Variants in RBAK observed in about 807,000 individuals in gnomAD.
RBAK encodes RB-associated KRAB zinc finger protein.
A neutral mutation model predicts 65.8 loss-of-function variants in RBAK; 39 were observed. The ratio of observed to expected loss-of-function variants is 0.59; its 90% CI spans 0.46 to 0.77. The LOEUF (loss-of-function observed/expected upper bound fraction) is 0.77. Ranked by LOEUF, RBAK falls within the 30% of genes least tolerant of loss-of-function variation. RBAK has a pLI of 0.00. For missense variants in RBAK, 884 were observed against 855.1 expected, an observed-to-expected ratio of 1.03 and a Z score of -0.42; for synonymous variants, 343 against 289.7, an observed-to-expected ratio of 1.18 and a Z score of -1.87.
At chr7:5,052,011 C>G (rs948906709) in intron 2 of RBAK, among the ~76,000 whole-genome samples, 8 of 152,132 alleles carry the variant, frequency 5.3e-5, no homozygotes, top group Admixed American at 5.2e-4. Context: ...ATTTGTGGTT[C>G]TCTTTCTCTT....
chr7:5,058,551 C>T (rs1778985783), intron 4 of RBAK, among the ~76,000 whole-genome samples: 1 of 152,192 alleles, frequency 6.6e-6, no homozygotes, highest in Admixed American at 6.5e-5. Context: ...AAACCTCATC[C>T]TCCACCTATG....
rs375079315 is a variant in RBAK at position 5,057,792 on chromosome 7, C to T, written c.238+13C>T. ...CAACATAGTCCAGGTAAGTTAGTAG[C>T]GTATCAAAGGTTAAAAAATGCTCAT... On this transcript the variant is annotated intron_variant, in intron 4 of 4. Coordinates refer to ENST00000396912, the MANE Select transcript of RBAK (RefSeq NM_021163.4). 2.6e-4 allele frequency: 414 copies of T among 1,613,438 alleles called. 2 individuals carry two copies. The highest frequency in any genetic ancestry group is 6.2e-5 in the Non-Finnish European group (73 of 1,179,634).
At position 5,048,872 on chromosome 7, in the gene RBAK, G is replaced by A. The variant is rs1006957655; in HGVS notation, c.15+781G>A. 9.9e-5 allele frequency among the ~76,000 whole-genome samples: 15 copies of A among 152,110 alleles called. No individual in the cohort carries two copies. The highest frequency in any genetic ancestry group is 5.2e-4 in the Admixed American group (8 of 15,264). On this transcript the variant is annotated intron_variant, in intron 2 of 4. Transcript: ENST00000396912. This position sits in a 1 kb window ranked among gnomAD's most constrained non-coding sequence, Gnocchi z 4.4. ...GCAGGAGGAAGAGGGAGGGGGAGGC[G>A]CTACACACTTTTAAACAACCACGTC...
Position 5,064,783 on chromosome 7 carries a change from T to C in RBAK, c.1327T>C (p.Tyr443His). Residue 443 changes from tyrosine (Y) to histidine (H), a missense_variant, in exon 5 of 5, where the codon TAC becomes CAC. Coordinates refer to ENST00000396912, the MANE Select transcript of RBAK (RefSeq NM_021163.4). This position sits in a 1 kb window ranked among gnomAD's most constrained non-coding sequence, Gnocchi z 6.3. ...TGGGAAATTCTTTTCTCGGGTGTCA[T>C]ACCTCACTATACATTATAGAAGTCA... ...ECGKFFSRVS[Y>H]LTIHYRSHLE... 1 of 1,614,092 alleles carries C rather than the reference T, an allele frequency of 6.2e-7. No homozygotes were observed. Among genetic ancestry groups the C allele is most frequent in the Non-Finnish European group, 8.5e-7 (1 of 1,179,904 alleles).
At chr7:5,056,424 A>T (rs6463239) in intron 2 of RBAK, among the ~76,000 whole-genome samples, 44,567 of 151,676 alleles carry the variant, frequency 0.29, 7,691 homozygotes, top group African/African-American at 0.48. Context: ...AGCCCCAACC[A>T]CTTAAAAATT....
Position 5,063,887 on chromosome 7 carries a change from T to C in RBAK, c.431T>C (p.Leu144Ser), listed in dbSNP as rs147628768. 1.2e-6 allele frequency: 2 copies of C among 1,613,952 alleles called. No homozygotes were observed. The highest frequency in any genetic ancestry group is 2.7e-5 in the African/African-American group (2 of 74,928). The change falls in exon 5 of 5, where the codon TTA becomes TCA. Residue 144 changes from leucine (L) to serine (S), a missense_variant. Coordinates refer to ENST00000396912, the MANE Select transcript of RBAK (RefSeq NM_021163.4). The stretch of plus-strand genomic sequence containing the variant: ...AATTGTGTCTCATGTGGAAAGAATT[T>C]AGAATCTATTTCGCAATTAATTAGT... ...AHNCVSCGKN[L>S]ESISQLISSD...
chr7:5,062,361 G>A (rs1283005309), intron 4 of RBAK, among the ~76,000 whole-genome samples: 1 of 152,172 alleles, frequency 6.6e-6, no homozygotes, highest in African/African-American at 2.4e-5. Flanking sequence ...TCACATGTCG[G>A]TAGGTTCTGT....
At chr7:5,049,290 C>T (rs1409166196) in intron 2 of RBAK, among the ~76,000 whole-genome samples, 1 of 152,164 alleles carries the variant, frequency 6.6e-6, no homozygotes, top group African/African-American at 2.4e-5. Context: ...GGGAAGGAAA[C>T]ATTGTGATCC....
rs12668616 is a variant in RBAK at position 5,064,728 on chromosome 7, G to C, written c.1272G>C (p.Thr424=). The C allele has an allele frequency of 6.2e-7, 1 of 1,613,514 alleles. No individual in the cohort carries two copies. The highest frequency in any genetic ancestry group is 1.3e-5 in the African/African-American group (1 of 74,864). ...TGATTACACATCAGAGAACACACACGGGAGAGAAGCCCTATCAGTGTAGCG... is the reference window on the plus strand; with the variant it reads ...TGATTACACATCAGAGAACACACACCGGAGAGAAGCCCTATCAGTGTAGCG... ...STLITHQRTH[T]GEKPYQCSEC... The change falls in exon 5 of 5, where the codon ACG becomes ACC. Residue 424 remains threonine, a synonymous_variant. Transcript: ENST00000396912. This position sits in a 1 kb window ranked among gnomAD's most constrained non-coding sequence, Gnocchi z 6.3.
chr7:5,061,954 T>C (rs1779085515), intron 4 of RBAK, among the ~76,000 whole-genome samples: 1 of 152,000 alleles, frequency 6.6e-6, no homozygotes, highest in Non-Finnish European at 1.5e-5. Context: ...TTTTGGACAT[T>C]CACATGCCTG....
intron 2 of RBAK, among the ~76,000 whole-genome samples, chr7:5,049,791 A>G (rs561344714): frequency 1.2e-4 from 18 of 151,972 alleles, no homozygotes; most frequent in African/African-American, 4.1e-4. Context: ...AGACGTGATC[A>G]CAACTCACTG....
chr7:5,058,741 G>A (rs1004842389), intron 4 of RBAK, among the ~76,000 whole-genome samples: 4 of 152,176 alleles, frequency 2.6e-5, no homozygotes, highest in African/African-American at 9.7e-5. Flanking sequence ...AGACATTCAG[G>A]AAGTGTGAAT....
In RBAK at chr7:5,064,674, TGG is replaced by T; in HGVS notation, c.1220_1221del (p.Gly407GlufsTer25). The T allele has an allele frequency of 6.2e-7, 1 of 1,612,170 alleles. No individual in the cohort carries two copies. Among genetic ancestry groups the T allele is most frequent in the Non-Finnish European group, 8.5e-7 (1 of 1,178,470 alleles). The stretch of plus-strand genomic sequence containing the variant: ...AGAAGCTTTATAAATGTAATGAATG[TGG>T]GAAATCCTACTACCGAAAGTCTACT... ...GEKLYKCNECGKSYYRKSTLI... is the reference protein window; with the variant it reads ...GEKLYKCNECXKSYYRKSTLI... On this transcript the variant is annotated frameshift_variant, in exon 5 of 5. Coordinates refer to ENST00000396912, the MANE Select transcript of RBAK (RefSeq NM_021163.4). LOFTEE classifies it high-confidence loss of function. This position sits in a 1 kb window ranked among gnomAD's most constrained non-coding sequence, Gnocchi z 6.3.
At position 5,057,696 on chromosome 7, in the gene RBAK, C is replaced by T; in HGVS notation, c.155C>T (p.Thr52Ile). 6.2e-7 allele frequency: 1 copy of T among 1,613,890 alleles called. No individual in the cohort carries two copies. The highest frequency in any genetic ancestry group is 2.2e-5 in the East Asian group (1 of 44,868). The change falls in exon 4 of 5, where the codon ACC (threonine) becomes ATC (isoleucine). Residue 52 changes from threonine (T) to isoleucine (I), a missense_variant. Thr to Ile is a moderately conservative substitution (Grantham distance 89). Transcript: ENST00000396912. ...TTCCCATTAACAGGATATGATACCA[C>T]CAAGCCAAACGTCATCATTAAGTTG... The part of the protein sequence containing the change: ...SHLVSVGYDT[T>I]KPNVIIKLEQ...
intron 2 of RBAK, among the ~76,000 whole-genome samples, chr7:5,052,008 G>C (rs916125508): frequency 1.3e-5 from 2 of 152,086 alleles, no homozygotes; most frequent in Non-Finnish European, 1.5e-5. Flanking sequence ...TGCATTTGTG[G>C]TTCTCTTTCT....
chr7:5,058,305 C>T (rs1235292979), intron 4 of RBAK, among the ~76,000 whole-genome samples: 1 of 152,108 alleles, frequency 6.6e-6, no homozygotes, highest in Non-Finnish European at 1.5e-5. Flanking sequence ...GAACTCCTGG[C>T]CTCAAGTGAT....
At chr7:5,056,806 A>G (rs1317402801) in intron 2 of RBAK, among the ~76,000 whole-genome samples, 3 of 152,178 alleles carry the variant, frequency 2.0e-5, no homozygotes, top group African/African-American at 4.8e-5. Context: ...GTTAGGAGGA[A>G]GAGGACCAGG....
Position 5,064,540 on chromosome 7 carries a change from C to A in RBAK, c.1084C>A (p.Leu362Met). Residue 362 changes from leucine (L) to methionine (M), a missense_variant, in exon 5 of 5, where the codon CTG becomes ATG. By Grantham distance (15) the Leu-to-Met change is conservative. Transcript: ENST00000396912. The surrounding 1 kb of genome is among the most constrained non-coding windows in gnomAD (Gnocchi z 6.3). The stretch of plus-strand genomic sequence containing the variant: ...CTTCTGCCAAAAGACACATCTCACC[C>A]TGCACCAGAGGAATCATTCAGGAGA... ...KTFCQKTHLT[L>M]HQRNHSGERP... The A allele has an allele frequency of 6.2e-7, 1 of 1,613,686 alleles. No individual in the cohort carries two copies. The highest frequency in any genetic ancestry group is 8.5e-7 in the Non-Finnish European group (1 of 1,179,770).
In RBAK at chr7:5,064,531, C is replaced by T. The variant is rs758871728; in HGVS notation, c.1075C>T (p.His359Tyr). ...ECGKTFCQKT[H>Y]LTLHQRNHSG... ...TGGGAAAACCTTCTGCCAAAAGACA[C>T]ATCTCACCCTGCACCAGAGGAATCA... The change falls in exon 5 of 5, where the codon CAT becomes TAT. Residue 359 changes from histidine (H) to tyrosine (Y), a missense_variant. Physicochemically the swap from His to Tyr is moderately conservative, Grantham distance 83 (BLOSUM62 2). Transcript: ENST00000396912. The surrounding 1 kb of genome is among the most constrained non-coding windows in gnomAD (Gnocchi z 6.3). 1.9e-6 allele frequency: 3 copies of T among 1,613,504 alleles called. No homozygotes were observed. Among genetic ancestry groups the T allele is most frequent in the Admixed American group, 3.3e-5 (2 of 59,984 alleles).
Sources: allele counts gnomAD v4.1 joint callset (sites outside exome capture counted in the v4.1 genomes callset), GRCh38; gene constraint gnomAD v4.1.1; non-coding constraint Gnocchi (gnomAD v3.1); transcripts MANE v1.5; gene names NCBI Gene and HGNC (gene_info 2026-07-23, HGNC 2026-07-21).